The following SUGCT variants were observed in gnomAD, a reference collection of about 807,000 sequenced individuals.
The protein encoded by SUGCT is succinyl-CoA:glutarate-CoA transferase.
In SUGCT, 41 loss-of-function variants were observed where a neutral mutation model predicts 55.0. That is an observed-to-expected ratio of 0.74 (90% confidence interval 0.58 to 0.97). SUGCT has a LOEUF of 0.97. Ranked by LOEUF, SUGCT falls within the 50% of genes least tolerant of loss-of-function variation. The probability of loss-of-function intolerance (pLI) is 0.00; values close to 1 mark genes in which losing one functional copy is unlikely to be tolerated. For missense variants in SUGCT, 568 were observed against 547.8 expected (o/e 1.04, Z -0.37); for synonymous variants, 187 against 200.4 (o/e 0.93, Z 0.56).
intron 13 of SUGCT, among the ~76,000 whole-genome samples, chr7:40,805,500 AT>A (rs1423030584): frequency 1.3e-5 from 2 of 152,202 alleles, no homozygotes; most frequent in African/African-American, 4.8e-5. Context: ...GTCTTCACCA[AT>A]TTCTGGACTC....
At chr7:40,622,574 G>A (rs1047027518) in intron 12 of SUGCT, among the ~76,000 whole-genome samples, 2 of 117,038 alleles carry the variant, frequency 1.7e-5, no homozygotes, top group African/African-American at 6.6e-5. Flanking sequence ...ACTAATTTCT[G>A]GCTAAAATTC....
intron 9 of SUGCT, among the ~76,000 whole-genome samples, chr7:40,448,717 C>T (rs148737735): frequency 4.1e-4 from 63 of 152,216 alleles, no homozygotes; most frequent in Admixed American, 1.0e-3. Context: ...TGATGCCATG[C>T]ACCTGTAGTC....
intron 7 of SUGCT, among the ~76,000 whole-genome samples, chr7:40,248,142 G>C (rs1291382214): frequency 6.6e-6 from 1 of 151,740 alleles, no homozygotes; most frequent in East Asian, 1.9e-4. Context: ...CTCCCAAGTA[G>C]CTGGGATTAC....
the SUGCT span, among the ~76,000 whole-genome samples, chr7:40,986,031 A>T: frequency 6.6e-6 from 1 of 152,234 alleles, no homozygotes; most frequent in Non-Finnish European, 1.5e-5. Context: ...ACAGTAGGCC[A>T]GTACTATATA....
In SUGCT at chr7:40,411,843, T is replaced by A. The variant is rs551988242; in HGVS notation, c.817-37444T>A. ...TATCCCAATTGCCCTGATTTGATCT[T>A]TATACATTACATGAACGTATCAAAT... On this transcript the variant is annotated intron_variant, in intron 9 of 13. Coordinates refer to ENST00000335693, the MANE Select transcript of SUGCT (RefSeq NM_001193313.2). Among the ~76,000 whole-genome samples the A allele has an allele frequency of 3.9e-5, 6 of 152,278 alleles. No individual in the cohort carries two copies. In the South Asian group the frequency reaches 1.2e-3, roughly 32 times the overall value.
At chr7:40,607,422 G>A (rs1798581926) in intron 12 of SUGCT, among the ~76,000 whole-genome samples, 1 of 152,044 alleles carries the variant, frequency 6.6e-6, no homozygotes, top group Admixed American at 6.6e-5. Context: ...AATTTACCTT[G>A]TGACATTGAA....
chr7:40,578,514 T>C (rs916023630), intron 12 of SUGCT, among the ~76,000 whole-genome samples: 14 of 151,840 alleles, frequency 9.2e-5, no homozygotes, highest in Non-Finnish European at 1.8e-4. Context: ...TCACCCCTCA[T>C]TGGAAGAGTT....
chr7:40,881,276 A>G, the SUGCT span, among the ~76,000 whole-genome samples: 1 of 152,166 alleles, frequency 6.6e-6, no homozygotes, highest in African/African-American at 2.4e-5. Flanking sequence ...CAACTCTTCT[A>G]TGTTTCCTAC....
chr7:40,820,820 A>G (rs539358035), intron 13 of SUGCT, among the ~76,000 whole-genome samples: 19 of 152,214 alleles, frequency 1.2e-4, no homozygotes, highest in Middle Eastern at 3.4e-3. Context: ...AGTGGTGAGA[A>G]AGGGCATCCC....
chr7:40,575,136 A>T (rs1007224652), intron 12 of SUGCT, among the ~76,000 whole-genome samples: 1 of 150,414 alleles, frequency 6.6e-6, no homozygotes, highest in Non-Finnish European at 1.5e-5. Flanking sequence ...GGGGGTGGAG[A>T]TGGGTGAAGT....
At chr7:40,914,826 A>G in the SUGCT span, among the ~76,000 whole-genome samples, 1 of 152,174 alleles carries the variant, frequency 6.6e-6, no homozygotes, top group Non-Finnish European at 1.5e-5. Flanking sequence ...AGAAGGCACA[A>G]TAAAGGTCCC....
intron 13 of SUGCT, among the ~76,000 whole-genome samples, chr7:40,831,773 T>C (rs1476903790): frequency 6.6e-6 from 1 of 152,198 alleles, no homozygotes; most frequent in African/African-American, 2.4e-5. Context: ...GATACTCTTC[T>C]TACTATTCAC....
chr7:40,791,245 C>T lies in SUGCT; in HGVS notation c.1153+41748C>T, dbSNP rs191661463. Among the ~76,000 whole-genome samples, 19 of 152,280 alleles carry T rather than the reference C, an allele frequency of 1.2e-4. No homozygotes were observed. In the East Asian group the frequency reaches 3.7e-3, roughly 29 times the overall value. ...CCACTGGATTAAAATTAGTGTAACA[C>T]AAATTTGTCTTCATCAGATTTCAAA... On this transcript the variant is annotated intron_variant, in intron 13 of 13. Transcript: ENST00000335693.
At chr7:40,263,412 A>G (rs1791358016) in intron 7 of SUGCT, among the ~76,000 whole-genome samples, 1 of 152,204 alleles carries the variant, frequency 6.6e-6, no homozygotes, top group South Asian at 2.1e-4. Flanking sequence ...TTTAATCTGA[A>G]CCTGATCATG....
chr7:40,527,717 A>T (rs1290182393), intron 12 of SUGCT, among the ~76,000 whole-genome samples: 4 of 152,220 alleles, frequency 2.6e-5, no homozygotes, highest in Non-Finnish European at 4.4e-5. Flanking sequence ...TGACAAATAA[A>T]CAGTGTGTTC....
chr7:40,859,216 A>C (rs1794355294), intron 13 of SUGCT, among the ~76,000 whole-genome samples: 2 of 152,262 alleles, frequency 1.3e-5, no homozygotes, highest in Non-Finnish European at 2.9e-5. Context: ...GAATGTGATA[A>C]CAAAGGTAAA....
At chr7:40,844,010 A>T (rs1289215476) in intron 13 of SUGCT, among the ~76,000 whole-genome samples, 2 of 152,038 alleles carry the variant, frequency 1.3e-5, no homozygotes, top group Non-Finnish European at 2.9e-5. Context: ...GGGAGTACTC[A>T]GGTGAGTGGG....
At chr7:40,899,309 A>G in the SUGCT span, among the ~76,000 whole-genome samples, 2 of 152,108 alleles carry the variant, frequency 1.3e-5, no homozygotes, top group Non-Finnish European at 2.9e-5. Flanking sequence ...TCCTTAAGGC[A>G]AGGCCCTTTA....
At chr7:40,249,319 A>ATCTATATATATATATCTATC (rs1562612016) in intron 7 of SUGCT, among the ~76,000 whole-genome samples, 29 of 39,766 alleles carry the variant, frequency 7.3e-4, no homozygotes, top group Non-Finnish European at 1.5e-3. Flanking sequence ...AAAGCTATAT[A>ATCTATATATATATATCTATC]TATATATATA....
Sources: allele counts gnomAD v4.1 joint callset (sites outside exome capture counted in the v4.1 genomes callset), GRCh38; gene constraint gnomAD v4.1.1; transcripts MANE v1.5; gene names NCBI Gene and HGNC (gene_info 2026-07-23, HGNC 2026-07-21).